CLVS1: variants seen among roughly 807,000 people sequenced by gnomAD.
CLVS1 encodes clavesin-1.
CLVS1 carries 10 observed loss-of-function variants against 33.1 expected under a neutral mutation model. The observed-to-expected ratio is 0.30, with a 90% CI of 0.19 to 0.51. The LOEUF is 0.51. Among genes scored for constraint, CLVS1 ranks in the 20% least tolerant of loss-of-function variants. The pLI is 0.97. For missense variants in CLVS1, 343 were observed against 433.4 expected (o/e 0.79, Z 1.85); for synonymous variants, 163 against 166.1 (o/e 0.98, Z 0.14).
intron 3 of CLVS1, among the ~76,000 whole-genome samples, chr8:61,421,885 A>T (rs1395776316): frequency 6.6e-6 from 1 of 152,230 alleles, no homozygotes. Context: ...GGAAAGATCC[A>T]GCTAAAGCAG....
At chr8:61,198,311 T>C (rs1481936175) in intron 2 of CLVS1, among the ~76,000 whole-genome samples, 1 of 152,292 alleles carries the variant, frequency 6.6e-6, no homozygotes, top group Non-Finnish European at 1.5e-5. Context: ...CACGGATGAA[T>C]TGTATAGAAA....
At chr8:61,154,048 C>T (rs896624288) in intron 2 of CLVS1, among the ~76,000 whole-genome samples, 3 of 152,178 alleles carry the variant, frequency 2.0e-5, no homozygotes, top group Admixed American at 2.0e-4. Flanking sequence ...CTTTCTTCTT[C>T]CCCACAAAGA....
chr8:60,968,107 A>AT, the CLVS1 span, among the ~76,000 whole-genome samples: 3 of 151,974 alleles, frequency 2.0e-5, no homozygotes, highest in Non-Finnish European at 4.4e-5. Context: ...ATTGTTACGT[A>AT]TTTTTTTGTG....
intron 2 of CLVS1, among the ~76,000 whole-genome samples, chr8:61,256,294 C>A (rs1462048777): frequency 6.6e-6 from 1 of 152,208 alleles, no homozygotes; most frequent in Non-Finnish European, 1.5e-5. Flanking sequence ...GCGGGCAGAT[C>A]ACGATGTCAG....
At chr8:61,358,088 C>G (rs1812817710) in intron 2 of CLVS1, among the ~76,000 whole-genome samples, 1 of 152,222 alleles carries the variant, frequency 6.6e-6, no homozygotes, top group Non-Finnish European at 1.5e-5. Context: ...AATTGATTCA[C>G]AATCTTTCAG....
At chr8:60,992,694 A>AT in the CLVS1 span, among the ~76,000 whole-genome samples, 1,671 of 151,748 alleles carry the variant, frequency 0.011, 12 homozygotes, top group Non-Finnish European at 0.016. Flanking sequence ...ATCTACAAGC[A>AT]TTTTTTTTTC....
chr8:61,376,609 T>A lies in CLVS1; in HGVS notation c.460T>A (p.Ser154Thr). The A allele has an allele frequency of 6.2e-7, 1 of 1,613,460 alleles. No individual in the cohort carries two copies. The highest frequency in any genetic ancestry group is 1.1e-5 in the South Asian group (1 of 90,996). ...FAANWDQSRN[S>T]FTDILRAILL... ...TCCTTTCTGCTCTGGCTGCAGGAACTCCTTCACAGACATCCTTCGTGCCAT... is the reference window on the plus strand; with the variant it reads ...TCCTTTCTGCTCTGGCTGCAGGAACACCTTCACAGACATCCTTCGTGCCAT... Residue 154 changes from serine (S) to threonine (T), a missense_variant, in exon 3 of 6, where the codon TCC becomes ACC. By Grantham distance (58) the Ser-to-Thr change is moderately conservative. Transcript: ENST00000325897.
intron 1 of CLVS1, among the ~76,000 whole-genome samples, chr8:61,291,358 G>T (rs2978526): frequency 0.27 from 41,031 of 152,058 alleles, 6,747 homozygotes; most frequent in Non-Finnish European, 0.35. Flanking sequence ...TAGGATGCTT[G>T]TAGCCAAATC....
rs1554581830 is a variant in CLVS1 at position 61,499,947 on chromosome 8, A to AGAGT, written c.*406_*409dup. ...AAGTGCATTTCCAAGTAAATGTATC[A>AGAGT]GAGTTAAACTGTACAGACACCACTG... On this transcript the variant is annotated 3_prime_UTR_variant, in exon 6 of 6. Coordinates refer to ENST00000325897, the MANE Select transcript of CLVS1 (RefSeq NM_173519.3). The AGAGT allele has an allele frequency of 1.1e-5, 2 of 175,140 alleles. No individual in the cohort carries two copies. Among genetic ancestry groups the AGAGT allele is most frequent in the Admixed American group, 5.6e-5 (1 of 18,016 alleles). The allele number at this position is 175,140 out of a possible 1,614,324, so 10.8% of individuals were successfully genotyped here.
intron 3 of CLVS1, among the ~76,000 whole-genome samples, chr8:61,405,886 C>G (rs1227170748): frequency 6.6e-6 from 1 of 152,064 alleles, no homozygotes; most frequent in Non-Finnish European, 1.5e-5. Flanking sequence ...CTAAAGTGGT[C>G]TCATGGATCC....
At chr8:61,160,736 G>C (rs1055059615) in intron 2 of CLVS1, among the ~76,000 whole-genome samples, 1 of 152,052 alleles carries the variant, frequency 6.6e-6, no homozygotes, top group Non-Finnish European at 1.5e-5. Flanking sequence ...TAAATATTTA[G>C]AGGATGGAAT....
At chr8:60,975,360 T>C in the CLVS1 span, among the ~76,000 whole-genome samples, 1 of 151,942 alleles carries the variant, frequency 6.6e-6, no homozygotes, top group African/African-American at 2.4e-5. Flanking sequence ...AAAACTAGGG[T>C]TTTGTAGTGG....
At chr8:61,314,234 ATT>A (rs1226826027) in intron 2 of CLVS1, among the ~76,000 whole-genome samples, 3 of 147,462 alleles carry the variant, frequency 2.0e-5, no homozygotes, top group Admixed American at 2.0e-4. Context: ...GAATCTCATG[ATT>A]TTCCGAGGAG....
At chr8:60,993,250 G>C in the CLVS1 span, among the ~76,000 whole-genome samples, 3 of 152,204 alleles carry the variant, frequency 2.0e-5, no homozygotes, top group Non-Finnish European at 1.5e-5. Flanking sequence ...ACTGTGAAGA[G>C]AGACTTTCAG....
intron 2 of CLVS1, among the ~76,000 whole-genome samples, chr8:61,248,534 TTGTG>T (rs1025169670): frequency 1.3e-5 from 2 of 152,062 alleles, no homozygotes; most frequent in African/African-American, 4.8e-5. Flanking sequence ...CTAGTTTTTT[TTGTG>T]TGTGTGTGGC....
chr8:61,161,264 G>A (rs1178984924), intron 2 of CLVS1, among the ~76,000 whole-genome samples: 2 of 152,072 alleles, frequency 1.3e-5, no homozygotes, highest in African/African-American at 2.4e-5. Flanking sequence ...CACTATGGAG[G>A]CACCGCAGAA....
chr8:61,234,068 G>A (rs561354820), intron 2 of CLVS1, among the ~76,000 whole-genome samples: 7 of 152,306 alleles, frequency 4.6e-5, no homozygotes, highest in Middle Eastern at 3.4e-3. Flanking sequence ...GGGAAGGGAT[G>A]ATGGGAGGGG....
the CLVS1 span, among the ~76,000 whole-genome samples, chr8:61,013,173 A>G: frequency 6.6e-6 from 1 of 152,160 alleles, no homozygotes. Context: ...CTTCCTGGCC[A>G]TTCGGTGGTC....
chr8:61,147,123 AGAGCAGGT>A (rs1261324570), intron 2 of CLVS1, among the ~76,000 whole-genome samples: 6 of 152,232 alleles, frequency 3.9e-5, no homozygotes, highest in African/African-American at 1.4e-4. Flanking sequence ...AGAGCTTTTC[AGAGCAGGT>A]GAACAGACTG....
Sources: allele counts gnomAD v4.1 joint callset (sites outside exome capture counted in the v4.1 genomes callset), GRCh38; gene constraint gnomAD v4.1.1; transcripts MANE v1.5; gene names NCBI Gene and HGNC (gene_info 2026-07-23, HGNC 2026-07-21).